DGKK: variants seen among roughly 807,000 people sequenced by gnomAD.
DGKK encodes the protein 142 kDa diacylglycerol kinase.
In DGKK, 35 loss-of-function variants were observed where a neutral mutation model predicts 92.2. The ratio of observed to expected loss-of-function variants is 0.38; its 90% CI spans 0.29 to 0.50. The LOEUF is 0.50. DGKK is among the 20% of genes least tolerant of loss of function. The pLI is 0.92. For synonymous variants in DGKK, 368 were observed against 360.6 expected, an observed-to-expected ratio of 1.02 and a Z score of -0.23; for missense variants, 910 against 992.2, an observed-to-expected ratio of 0.92 and a Z score of 1.11.
chrX:50,451,651 T>C (rs994360327), intron 1 of DGKK, among the ~76,000 whole-genome samples: 1 of 111,714 alleles, frequency 9.0e-6, no homozygotes, highest in Non-Finnish European at 1.9e-5. Context: ...CTACAATTAC[T>C]AATATCAATG....
At chrX:50,463,496 C>A (rs12013172) in intron 1 of DGKK, among the ~76,000 whole-genome samples, 9,512 of 101,070 alleles carry the variant, frequency 0.094, 1,322 homozygotes, top group African/African-American at 0.34. Context: ...GTCCGGCTTT[C>A]CCCCTCCCTC....
rs1174054421 is a variant in DGKK at position 50,368,350 on chromosome X, C to T, written c.*590G>A. 1 of 110,960 alleles carries T rather than the reference C, an allele frequency of 9.0e-6. No individual in the cohort carries two copies. Among genetic ancestry groups the T allele is most frequent in the Non-Finnish European group, 1.9e-5 (1 of 53,030 alleles). The allele number at this position is 110,960 out of a possible 1,213,427, so 9.1% of individuals were successfully genotyped here. ...AGAGAGAGAGAGGTTACCATATCTA[C>T]AAAAAGAGATTTCACATGGTCATCT... is the stretch of plus-strand genomic sequence containing the variant. On this transcript the variant is annotated 3_prime_UTR_variant, in exon 28 of 28. Coordinates refer to ENST00000611977, the MANE Select transcript of DGKK (RefSeq NM_001013742.4).
Position 50,378,183 on chromosome X carries a change from T to G in DGKK, c.3026A>C (p.Gln1009Pro). 1 of 1,210,827 alleles carries G rather than the reference T, an allele frequency of 8.3e-7. No homozygotes were observed. Among genetic ancestry groups the G allele is most frequent in the Non-Finnish European group, 1.1e-6 (1 of 894,906 alleles). Residue 1009 changes from glutamine to proline, a missense_variant, in exon 22 of 28, where the codon CAG (glutamine) becomes CCG (proline). Gln to Pro is a moderately conservative substitution (Grantham distance 76). Transcript: ENST00000611977. ...CTGAATCCAGGCCTCCCCATCCACCTGCACTGGGATACCTTCTTCACCATC... is the reference window on the plus strand; with the variant it reads ...CTGAATCCAGGCCTCCCCATCCACCGGCACTGGGATACCTTCTTCACCATC... ...TIDGEEGIPV[Q>P]VDGEAWIQRP...
intron 1 of DGKK, among the ~76,000 whole-genome samples, chrX:50,439,730 C>T (rs782159313): frequency 9.0e-6 from 1 of 111,083 alleles, no homozygotes; most frequent in South Asian, 3.8e-4. Context: ...AGACTCTTTC[C>T]TTCCCATGAG....
At chrX:50,414,610 A>C (rs1412878072) in intron 4 of DGKK, among the ~76,000 whole-genome samples, 4 of 111,879 alleles carry the variant, frequency 3.6e-5, no homozygotes, top group Non-Finnish European at 7.5e-5. Context: ...AAATGAAAAA[A>C]TGTGAGAGGA....
chrX:50,386,696 C>G (rs894209426), intron 14 of DGKK, 110 bp from the exon 15 acceptor site: 2 of 607,632 alleles, frequency 3.3e-6, no homozygotes, highest in African/African-American at 4.5e-5. Flanking sequence ...TAAGAGTTGT[C>G]CATAAATGCT....
chrX:50,427,639 G>A (rs1925779444), intron 1 of DGKK, among the ~76,000 whole-genome samples: 1 of 106,132 alleles, frequency 9.4e-6, no homozygotes, highest in South Asian at 4.4e-4. Context: ...GGTCAGTTTA[G>A]TAGCCCCAAG....
chrX:50,470,682 C>G lies in DGKK; in HGVS notation c.-4G>C. The G allele has an allele frequency of 9.1e-7, 1 of 1,100,155 alleles. No individual in the cohort carries two copies. Among genetic ancestry groups the G allele is most frequent in the Non-Finnish European group, 1.2e-6 (1 of 848,634 alleles). The allele number at this position is 1,100,155 out of a possible 1,213,427, so 90.7% of individuals were successfully genotyped here. On this transcript the variant is annotated 5_prime_UTR_variant, in exon 1 of 28. Coordinates refer to ENST00000611977, the MANE Select transcript of DGKK (RefSeq NM_001013742.4). ...CTGCGGCAGCTCCGCGGTCCATGGC[C>G]GCACACCGCTTCAGGTCTGGGCAGC...
chrX:50,425,606 T>C (rs781942447), intron 1 of DGKK, among the ~76,000 whole-genome samples: 1 of 110,967 alleles, frequency 9.0e-6, no homozygotes, highest in South Asian at 3.8e-4. Flanking sequence ...CTCTAACCAA[T>C]TGGATAGTAC....
At chrX:50,404,492 CTGGAGTG>C (rs1602280502) in intron 4 of DGKK, among the ~76,000 whole-genome samples, 1 of 101,548 alleles carries the variant, frequency 9.8e-6, no homozygotes, top group Admixed American at 1.1e-4. Context: ...TGTCACCAGG[CTGGAGTG>C]CAGTGTCGCA....
intron 25 of DGKK, among the ~76,000 whole-genome samples, chrX:50,373,600 G>A (rs1454980666): frequency 8.9e-6 from 1 of 112,442 alleles, no homozygotes; most frequent in East Asian, 2.8e-4. Flanking sequence ...CTAGCTTGGG[G>A]CTCAGATGTT....
intron 4 of DGKK, among the ~76,000 whole-genome samples, chrX:50,420,066 C>T (rs1429088850): frequency 1.2e-4 from 13 of 111,540 alleles, no homozygotes; most frequent in African/African-American, 4.2e-4. Context: ...ATTCAGCAGA[C>T]CCAAGTCAAG....
chrX:50,461,779 A>G (rs1926752351), intron 1 of DGKK, among the ~76,000 whole-genome samples: 1 of 112,429 alleles, frequency 8.9e-6, no homozygotes, highest in African/African-American at 3.2e-5. Flanking sequence ...GTATCAGTTT[A>G]CGTTTTAAAG....
chrX:50,394,361 C>T (rs1394043419), intron 8 of DGKK, among the ~76,000 whole-genome samples: 2 of 111,156 alleles, frequency 1.8e-5, no homozygotes, highest in Non-Finnish European at 3.8e-5. Context: ...GCAGGTTTCC[C>T]CTATGGGCCA....
rs150361023 is a variant in DGKK at position 50,391,406 on chromosome X, G to A, written c.1844+31C>T. The stretch of plus-strand genomic sequence containing the variant: ...ATGTGAGTGATGTGGGACAGGAAGA[G>A]GCACAAGGGCCTGGTCTTTCAGCCA... On this transcript the variant is annotated intron_variant, in intron 11 of 27. Coordinates refer to ENST00000611977, the MANE Select transcript of DGKK (RefSeq NM_001013742.4). 3.8e-4 allele frequency: 459 copies of A among 1,203,594 alleles called. 3 individuals are homozygous for A. The Middle Eastern group carries it at 0.021, about 56-fold the overall frequency.
intron 13 of DGKK, 78 bp from the exon 14 acceptor site, chrX:50,387,731 C>T (rs1318097974): frequency 9.7e-6 from 6 of 615,504 alleles, no homozygotes; most frequent in Non-Finnish European, 1.3e-5. Flanking sequence ...TCATCAGTCC[C>T]CATCCTCCTC....
chrX:50,404,231 A>C (rs1557226995), intron 4 of DGKK, 47 bp from the exon 5 acceptor site: 2 of 1,168,277 alleles, frequency 1.7e-6, no homozygotes, highest in Admixed American at 4.9e-5. Flanking sequence ...AATCACAGAG[A>C]CGGATTAAAG....
chrX:50,420,008 G>A (rs1009931016), intron 4 of DGKK, among the ~76,000 whole-genome samples: 1 of 111,823 alleles, frequency 8.9e-6, no homozygotes, highest in African/African-American at 3.2e-5. Flanking sequence ...CCTTGGACTC[G>A]TTCCTACCTC....
intron 1 of DGKK, among the ~76,000 whole-genome samples, chrX:50,430,557 T>A (rs1414766359): frequency 8.9e-6 from 1 of 111,846 alleles, no homozygotes; most frequent in Admixed American, 9.5e-5. Context: ...TTCATTCAAA[T>A]TCAAGAATGT....
Sources: allele counts gnomAD v4.1 joint callset (sites outside exome capture counted in the v4.1 genomes callset), GRCh38; gene constraint gnomAD v4.1.1; transcripts MANE v1.5; gene names NCBI Gene and HGNC (gene_info 2026-07-23, HGNC 2026-07-21).